Variants in CARM1 observed in about 807,000 individuals in gnomAD.
CARM1 encodes coactivator associated arginine methyltransferase 1, also known as histone-arginine methyltransferase CARM1.
A neutral mutation model predicts 72.7 loss-of-function variants in CARM1; 14 were observed. The ratio of observed to expected loss-of-function variants is 0.19; its 90% CI spans 0.13 to 0.30. The LOEUF (loss-of-function observed/expected upper bound fraction) is 0.30. Ranked by LOEUF, CARM1 falls within the 10% of genes least tolerant of loss-of-function variation. The pLI is 1.00. For missense variants in CARM1, 432 were observed against 833.7 expected, an observed-to-expected ratio of 0.52 and a Z score of 5.93; for synonymous variants, 333 against 345.5, an observed-to-expected ratio of 0.96 and a Z score of 0.40.
intron 4 of CARM1, among the ~76,000 whole-genome samples, chr19:10,911,110 C>T (rs1200087319): frequency 2.0e-5 from 3 of 152,096 alleles, no homozygotes; most frequent in Non-Finnish European, 4.4e-5. Flanking sequence ...AGGCTGGTCT[C>T]AAACTTCTGG....
intron 1 of CARM1, among the ~76,000 whole-genome samples, chr19:10,889,570 C>A (rs1385032303): frequency 2.0e-5 from 3 of 150,464 alleles, no homozygotes; most frequent in Non-Finnish European, 4.4e-5. Context: ...CTCAGGTGAT[C>A]CGCCTGCCTC....
intron 15 of CARM1, 71 bp from the exon 16 acceptor site, chr19:10,921,544 C>G: frequency 6.4e-7 from 1 of 1,571,658 alleles, no homozygotes; most frequent in Non-Finnish European, 8.6e-7. Context: ...TGCCCTTTCT[C>G]TCTCTCTGTG....
intron 2 of CARM1, among the ~76,000 whole-genome samples, chr19:10,907,263 T>G (rs1170080411): frequency 6.6e-6 from 1 of 151,900 alleles, no homozygotes; most frequent in African/African-American, 2.4e-5. Context: ...CCTCTTAAAC[T>G]GGGCTCAAGC....
Position 10,912,213 on chromosome 19 carries a change from G to A in CARM1, c.588G>A (p.Gly196=). 6.2e-7 allele frequency: 1 copy of A among 1,614,158 alleles called. No homozygotes were observed. The highest frequency in any genetic ancestry group is 1.3e-5 in the African/African-American group (1 of 75,056). The change falls in exon 5 of 16, where the codon GGG becomes GGA. Residue 196 remains glycine, a synonymous_variant. Transcript: ENST00000327064. This position sits in a 1 kb window ranked among gnomAD's most constrained non-coding sequence, Gnocchi z 4.5. ...KIVLDVGCGS[G]ILSFFAAQAG... The stretch of plus-strand genomic sequence containing the variant: ...TTCTTGATGTTGGCTGTGGCTCTGG[G>A]ATCCTGTCGTTTTTTGCCGCCCAAG...
chr19:10,912,190 C>T lies in CARM1; in HGVS notation c.565C>T (p.Leu189Phe), dbSNP rs2074156496. The T allele has an allele frequency of 6.2e-7, 1 of 1,613,862 alleles. No homozygotes were observed. Among genetic ancestry groups the T allele is most frequent in the Non-Finnish European group, 8.5e-7 (1 of 1,179,830 alleles). The change falls in exon 5 of 16, where the codon CTT becomes TTT. Residue 189 changes from leucine (L) to phenylalanine (F), a missense_variant. By Grantham distance (22) the Leu-to-Phe change is conservative. This residue lies in a region of CARM1 where 152 missense variants were observed against 452.8 expected (regional missense o/e 0.34). Coordinates refer to ENST00000327064, the MANE Select transcript of CARM1 (RefSeq NM_199141.2). The surrounding 1 kb of genome is among the most constrained non-coding windows in gnomAD (Gnocchi z 4.5). The stretch of plus-strand genomic sequence containing the variant: ...CCTCCCACTCCTCCCTCAGATCGTT[C>T]TTGATGTTGGCTGTGGCTCTGGGAT... Reference protein sequence around the residue: ...NHTDFKDKIVLDVGCGSGILS... With the variant: ...NHTDFKDKIVFDVGCGSGILS...
chr19:10,913,309 A>G (rs895461204), intron 5 of CARM1, among the ~76,000 whole-genome samples: 1 of 151,998 alleles, frequency 6.6e-6, no homozygotes, highest in Non-Finnish European at 1.5e-5. Context: ...CTGTAATCCC[A>G]GCACTTTGGG....
chr19:10,913,927 C>A lies in CARM1; in HGVS notation c.720C>A (p.Gly240=). Residue 240 remains glycine (G), a synonymous_variant, in exon 6 of 16, where the codon GGC becomes GGA. Transcript: ENST00000327064. ...NLTDRIVVIP[G]KVEEVSLPEQ... The stretch of plus-strand genomic sequence containing the variant: ...CGGACCGCATCGTGGTCATCCCGGG[C>A]AAGGTGGAGGAGGTGTCACTCCCCG... The A allele has an allele frequency of 6.2e-7, 1 of 1,613,776 alleles. No individual in the cohort carries two copies. The highest frequency in any genetic ancestry group is 8.5e-7 in the Non-Finnish European group (1 of 1,180,000).
intron 4 of CARM1, among the ~76,000 whole-genome samples, chr19:10,911,137 C>T (rs1284731520): frequency 2.6e-5 from 4 of 152,092 alleles, no homozygotes; most frequent in Non-Finnish European, 5.9e-5. Flanking sequence ...GCAGTTCATC[C>T]GCCTCAGCCT....
chr19:10,890,501 C>T (rs1364783920), intron 1 of CARM1, among the ~76,000 whole-genome samples: 2 of 151,220 alleles, frequency 1.3e-5, no homozygotes, highest in Non-Finnish European at 2.9e-5. Context: ...CTCCTGACCT[C>T]GGGTGATCCA....
Position 10,909,132 on chromosome 19 carries a change from C to T in CARM1, c.483C>T (p.Asn161=). 2 of 1,613,600 alleles carry T rather than the reference C, an allele frequency of 1.2e-6. No homozygotes were observed. Among genetic ancestry groups the T allele is most frequent in the South Asian group, 1.1e-5 (1 of 91,072 alleles). Residue 161 remains asparagine, a synonymous_variant, in exon 4 of 16, where the codon AAC becomes AAT. Transcript: ENST00000327064. The part of the protein sequence containing the change: ...QFYGYLSQQQ[N]MMQDYVRTGT... ...ATGGCTACCTGTCCCAGCAGCAGAA[C>T]ATGATGCAGGACTACGTGCGGACAG...
intron 1 of CARM1, among the ~76,000 whole-genome samples, chr19:10,890,637 ATATATG>A (rs924231616): frequency 6.6e-6 from 1 of 150,456 alleles, no homozygotes; most frequent in Non-Finnish European, 1.5e-5. Flanking sequence ...ATTTACATAT[ATATATG>A]TATATGTATA....
rs1465907055 is a variant in CARM1, at chr19:10,916,037, G to A, written c.848-370G>A. Among the ~76,000 whole-genome samples, 2 of 152,200 alleles carry A rather than the reference G, an allele frequency of 1.3e-5. No homozygotes were observed. The highest frequency in any genetic ancestry group is 2.9e-5 in the Non-Finnish European group (2 of 68,032). ...CAGAGCAACTTTGCTATGCTTTCCC[G>A]GCTGCACACATGCACAGACGGCAGG... On this transcript the variant is annotated intron_variant, in intron 6 of 15. Transcript: ENST00000327064. The surrounding 1 kb of genome is among the most constrained non-coding windows in gnomAD (Gnocchi z 4.4).
At chr19:10,893,697 G>A (rs544177795) in intron 1 of CARM1, among the ~76,000 whole-genome samples, 1 of 152,152 alleles carries the variant, frequency 6.6e-6, no homozygotes, top group African/African-American at 2.4e-5. Context: ...GTGCTAGTTC[G>A]GGGGATCCAA....
At chr19:10,900,186 C>T (rs1024397995) in intron 1 of CARM1, among the ~76,000 whole-genome samples, 3 of 152,124 alleles carry the variant, frequency 2.0e-5, no homozygotes, top group Admixed American at 6.6e-5. Context: ...GTGGCATGTG[C>T]GTGAGGTTCC....
In CARM1 at chr19:10,912,968, G is replaced by A. The variant is rs900654054; in HGVS notation, c.669+674G>A. On this transcript the variant is annotated intron_variant, in intron 5 of 15. Transcript: ENST00000327064. This position sits in a 1 kb window ranked among gnomAD's most constrained non-coding sequence, Gnocchi z 4.5. ...GCCCTGGAATCGCTGGGTTGGGGGT[G>A]CATCCAGCTTTAGCTTTGGTGGCTG... Among the ~76,000 whole-genome samples the A allele has an allele frequency of 3.9e-5, 6 of 152,300 alleles. No homozygotes were observed. Among genetic ancestry groups the A allele is most frequent in the Non-Finnish European group, 8.8e-5 (6 of 68,022 alleles).
intron 1 of CARM1, among the ~76,000 whole-genome samples, chr19:10,902,273 C>A (rs981058899): frequency 7.5e-5 from 11 of 146,204 alleles, no homozygotes; most frequent in African/African-American, 2.5e-4. Context: ...AAAATAGATA[C>A]AAAATAATTG....
At chr19:10,909,443 CAAAT>C (rs1158008908) in intron 4 of CARM1, among the ~76,000 whole-genome samples, 2 of 145,942 alleles carry the variant, frequency 1.4e-5, no homozygotes, top group African/African-American at 5.1e-5. Flanking sequence ...TAAAAAAAAA[CAAAT>C]AAACAAGGCC....
Position 10,892,853 on chromosome 19 carries a change from C to G in CARM1, c.221-12098C>G, listed in dbSNP as rs538743466. Among the ~76,000 whole-genome samples the G allele has an allele frequency of 5.3e-5, 8 of 152,286 alleles. No individual in the cohort carries two copies. The South Asian group carries it at 1.7e-3, about 32-fold the overall frequency. ...GTTGAAGTGATTCTGCTGCCTCAGC[C>G]TCTTGAGTAGCTGGGATTACAGGTG... On this transcript the variant is annotated intron_variant, in intron 1 of 15. Coordinates refer to ENST00000327064, the MANE Select transcript of CARM1 (RefSeq NM_199141.2).
In CARM1 at chr19:10,912,329, C is replaced by G. The variant is rs755478677; in HGVS notation, c.669+35C>G. 2.0e-6 allele frequency: 3 copies of G among 1,510,754 alleles called. No homozygotes were observed. In the South Asian group the frequency reaches 3.4e-5, roughly 17 times the overall value. 93.6% of individuals were successfully genotyped at this position (1,510,754 alleles called of 1,614,324 possible). The stretch of plus-strand genomic sequence containing the variant: ...CCGCTGGTGCCCACCCAGCCTCGTC[C>G]TCGCCCATGAGTGCCATGCCGGCCC... On this transcript the variant is annotated intron_variant, in intron 5 of 15. Coordinates refer to ENST00000327064, the MANE Select transcript of CARM1 (RefSeq NM_199141.2). The surrounding 1 kb of genome is among the most constrained non-coding windows in gnomAD (Gnocchi z 4.5).
Sources: gnomAD v4.1 joint callset for allele counts (sites outside exome capture counted in the v4.1 genomes callset) on GRCh38, gnomAD v4.1.1 for gene constraint, gnomAD v4.1.1 regional missense constraint, Gnocchi (gnomAD v3.1) non-coding constraint, MANE v1.5 for transcripts, NCBI Gene and HGNC (gene_info 2026-07-23, HGNC 2026-07-21) for gene names.